Variants in PPP2R1A observed in about 807,000 individuals in gnomAD.
PPP2R1A encodes the protein protein phosphatase 2 scaffold subunit Aalpha.
Under a neutral mutation model 67.1 loss-of-function variants are expected in PPP2R1A, and 15 were observed. The observed-to-expected ratio is 0.22, with a 90% CI of 0.15 to 0.34. The LOEUF is 0.34. Among genes scored for constraint, PPP2R1A ranks in the 10% least tolerant of loss-of-function variants. The probability of loss-of-function intolerance (pLI) is 1.00; values close to 1 mark genes in which losing one functional copy is unlikely to be tolerated. For synonymous variants in PPP2R1A, 337 were observed against 325.0 expected, an observed-to-expected ratio of 1.04 and a Z score of -0.40; for missense variants, 369 against 775.0, an observed-to-expected ratio of 0.48 and a Z score of 6.22.
intron 1 of PPP2R1A, among the ~76,000 whole-genome samples, chr19:52,200,589 G>T (rs1191376819): frequency 6.6e-6 from 1 of 152,128 alleles, no homozygotes; most frequent in African/African-American, 2.4e-5. Context: ...CCATGAACTG[G>T]GTAGCTTAAC....
At chr19:52,194,757 A>G (rs1450247246) in intron 1 of PPP2R1A, among the ~76,000 whole-genome samples, 7 of 152,158 alleles carry the variant, frequency 4.6e-5, no homozygotes, top group Non-Finnish European at 2.9e-5. Context: ...TCATCTGCAA[A>G]ATGGGGATAA....
intron 12 of PPP2R1A, 126 bp downstream of exon 12, chr19:52,221,259 A>T: frequency 7.4e-7 from 1 of 1,359,200 alleles, no homozygotes; most frequent in Non-Finnish European, 1.0e-6. Flanking sequence ...TGCATCTTCT[A>T]TCCAGAGATG....
At position 52,226,133 on chromosome 19, in the gene PPP2R1A, C is replaced by T; in HGVS notation, c.*152C>T. 3.3e-6 allele frequency: 4 copies of T among 1,204,994 alleles called. No homozygotes were observed. The South Asian group carries it at 5.5e-5, about 17-fold the overall frequency. 74.6% of individuals were successfully genotyped at this position (1,204,994 alleles called of 1,614,324 possible). On this transcript the variant is annotated 3_prime_UTR_variant, in exon 15 of 15. Transcript: ENST00000322088. ...CCCCCAGCACGGTTCCTCCTCTCCC[C>T]AGCCTGGGAAGATGTCTCACTGTCC...
At chr19:52,222,343 C>G in intron 13 of PPP2R1A, 102 bp downstream of exon 13, 2 of 1,455,142 alleles carry the variant, frequency 1.4e-6, no homozygotes, top group Non-Finnish European at 1.8e-6. Context: ...CCTGGCAGCG[C>G]TCCTTGCTTG....
intron 14 of PPP2R1A, 44 bp downstream of exon 14, chr19:52,225,852 T>G: frequency 6.2e-7 from 1 of 1,612,302 alleles, no homozygotes; most frequent in South Asian, 1.1e-5. Flanking sequence ...GGGTGGACTT[T>G]GAGGACAGGC....
chr19:52,190,091 G>A lies in PPP2R1A; in HGVS notation c.-6G>A. The A allele has an allele frequency of 6.4e-7, 1 of 1,550,560 alleles. No individual in the cohort carries two copies. Among genetic ancestry groups the A allele is most frequent in the Non-Finnish European group, 8.7e-7 (1 of 1,146,670 alleles). ...CGCAGTCTGACAGGAAAGGGACGGA[G>A]CCAAGATGGCGGCGGCCGACGGCGA... is the stretch of plus-strand genomic sequence containing the variant. On this transcript the variant is annotated 5_prime_UTR_variant, in exon 1 of 15. Transcript: ENST00000322088.
intron 3 of PPP2R1A, among the ~76,000 whole-genome samples, chr19:52,208,449 G>T (rs893645417): frequency 4.6e-5 from 7 of 152,098 alleles, no homozygotes; most frequent in African/African-American, 1.7e-4. Context: ...GATTACAGGT[G>T]TGAGCCACCG....
intron 6 of PPP2R1A, among the ~76,000 whole-genome samples, chr19:52,214,264 A>G (rs1392312850): frequency 1.3e-5 from 2 of 152,002 alleles, no homozygotes; most frequent in Non-Finnish European, 2.9e-5. Flanking sequence ...GGGATCGGAG[A>G]GAGGGCAGGG....
chr19:52,194,027 T>A (rs1259076616), intron 1 of PPP2R1A, among the ~76,000 whole-genome samples: 1 of 140,324 alleles, frequency 7.1e-6, no homozygotes, highest in Middle Eastern at 3.6e-3. Context: ...GTCGGAGGAT[T>A]GCTTGAACCA....
intron 1 of PPP2R1A, 46 bp downstream of exon 1, chr19:52,190,220 G>A: frequency 1.3e-6 from 2 of 1,536,624 alleles, no homozygotes; most frequent in Non-Finnish European, 1.8e-6. Flanking sequence ...AGGGGTACCT[G>A]GGGGCACGGG....
At chr19:52,192,727 T>G (rs901752539) in intron 1 of PPP2R1A, among the ~76,000 whole-genome samples, 2 of 152,152 alleles carry the variant, frequency 1.3e-5, no homozygotes, top group African/African-American at 2.4e-5. Context: ...GATGTCTTTG[T>G]GCCAGGATCA....
In PPP2R1A at chr19:52,190,052, A is replaced by G. The variant is rs918519834; in HGVS notation, c.-45A>G. 1.9e-5 allele frequency: 28 copies of G among 1,455,518 alleles called. No individual in the cohort carries two copies. The highest frequency in any genetic ancestry group is 2.2e-5 in the Admixed American group (1 of 45,776). The allele number at this position is 1,455,518 out of a possible 1,614,324, so 90.2% of individuals were successfully genotyped here. On this transcript the variant is annotated 5_prime_UTR_variant, in exon 1 of 15. Transcript: ENST00000322088. ...CCCAGCATTGCCCCCCCCACGTTTC[A>G]GCACAGCGCTGGCCGCAGTCTGACA...
rs1240207008 is a variant in PPP2R1A at position 52,203,067 on chromosome 19, A to G, written c.169+1033A>G. ...CAGCTGAAATCACAGCTGAAGGTTC[A>G]GAGTGCTTTGTCACTAAACTCTTGT... is the stretch of plus-strand genomic sequence containing the variant. On this transcript the variant is annotated intron_variant, in intron 2 of 14. Coordinates refer to ENST00000322088, the MANE Select transcript of PPP2R1A (RefSeq NM_014225.6). Among the ~76,000 whole-genome samples the G allele has an allele frequency of 4.6e-5, 7 of 152,360 alleles. No homozygotes were observed. In the East Asian group the frequency reaches 1.3e-3, roughly 29 times the overall value.
intron 1 of PPP2R1A, among the ~76,000 whole-genome samples, chr19:52,194,445 G>A (rs1279290055): frequency 1.3e-5 from 2 of 152,012 alleles, no homozygotes; most frequent in East Asian, 3.9e-4. Context: ...GGGAGGAGGA[G>A]GAATTGCAAG....
At position 52,211,802 on chromosome 19, in the gene PPP2R1A, A is replaced by G. The variant is rs1358517986; in HGVS notation, c.503+310A>G. The G allele has an allele frequency of 2.6e-6, 1 of 382,446 alleles. No homozygotes were observed. Among genetic ancestry groups the G allele is most frequent in the Non-Finnish European group, 4.7e-6 (1 of 212,170 alleles). The allele number at this position is 382,446 out of a possible 1,614,324, so 23.7% of individuals were successfully genotyped here. A position where few individuals can be genotyped will look rare whatever the true frequency, so the allele number is the denominator to read the frequency against. ...AAGTGCTTAGAGCAAAATCTGGAAC[A>G]TAAAAACTTTCAGCAACTTACATCT... On this transcript the variant is annotated intron_variant, in intron 4 of 14. Transcript: ENST00000322088. The surrounding 1 kb of genome is among the most constrained non-coding windows in gnomAD (Gnocchi z 5.3).
chr19:52,192,296 GC>G (rs1207138987), intron 1 of PPP2R1A, among the ~76,000 whole-genome samples: 1 of 151,240 alleles, frequency 6.6e-6, no homozygotes, highest in Non-Finnish European at 1.5e-5. Context: ...ATATGTAATG[GC>G]CTTTTTTTTT....
In PPP2R1A at chr19:52,210,880, A is replaced by G. The variant is rs112562442; in HGVS notation, c.271-380A>G. On this transcript the variant is annotated intron_variant, in intron 3 of 14. Transcript: ENST00000322088. ...CTGGTACAACACGGAGGTCCTGCCTAGTACACACAGTGAGTAGATGTTCTA... is the reference window on the plus strand; with the variant it reads ...CTGGTACAACACGGAGGTCCTGCCTGGTACACACAGTGAGTAGATGTTCTA... Among the ~76,000 whole-genome samples, 1,027 of 152,324 alleles carry G rather than the reference A, an allele frequency of 6.7e-3. 13 individuals carry two copies. The highest frequency in any genetic ancestry group is 0.024 in the African/African-American group (977 of 41,568).
chr19:52,200,144 G>C (rs926872941), intron 1 of PPP2R1A: 2 of 152,164 alleles, frequency 1.3e-5, no homozygotes, highest in African/African-American at 4.8e-5. Flanking sequence ...CCTCAACCTC[G>C]CCCTGTCCCT....
At chr19:52,195,303 T>C (rs2122283372) in intron 1 of PPP2R1A, among the ~76,000 whole-genome samples, 1 of 152,210 alleles carries the variant, frequency 6.6e-6, no homozygotes, top group African/African-American at 2.4e-5. Context: ...CATGGAACCA[T>C]ATGGGTGGAC....
Sources: gnomAD v4.1 joint callset for allele counts (sites outside exome capture counted in the v4.1 genomes callset) on GRCh38, gnomAD v4.1.1 for gene constraint, Gnocchi (gnomAD v3.1) non-coding constraint, MANE v1.5 for transcripts, NCBI Gene and HGNC (gene_info 2026-07-23, HGNC 2026-07-21) for gene names.